Variants in CEP85L observed in about 807,000 individuals in gnomAD.
The protein encoded by CEP85L is centrosomal protein 85L.
In CEP85L, 60 loss-of-function variants were observed where a neutral mutation model predicts 100.3. The observed-to-expected ratio is 0.60, with a 90% CI of 0.49 to 0.74. The LOEUF is 0.74. Among genes scored for constraint, CEP85L ranks in the 30% least tolerant of loss-of-function variants. The pLI, the probability that CEP85L is intolerant of heterozygous loss-of-function variation, is 0.00. For synonymous variants in CEP85L, 319 were observed against 322.7 expected, an observed-to-expected ratio of 0.99 and a Z score of 0.12; for missense variants, 973 against 936.2, an observed-to-expected ratio of 1.04 and a Z score of -0.51.
At chr6:118,610,050 T>C (rs908234146) in intron 2 of CEP85L, among the ~76,000 whole-genome samples, 5 of 142,214 alleles carry the variant, frequency 3.5e-5, no homozygotes, top group African/African-American at 1.2e-4. Context: ...TCTTAAGCAA[T>C]GATAATGATG....
Position 118,606,735 on chromosome 6 carries a change from G to A in CEP85L, c.232+25718C>T, listed in dbSNP as rs148153666. Among the ~76,000 whole-genome samples, 447 of 152,260 alleles carry A rather than the reference G, an allele frequency of 2.9e-3. 1 individual carries two copies. Among genetic ancestry groups the A allele is most frequent in the Middle Eastern group, 0.01 (3 of 294 alleles). ...AGCTTGCTGGTTATTCTTGAAAAGCGGGCTTACAGGTGTTCTAAGCCCGTG... is the reference window on the plus strand; with the variant it reads ...AGCTTGCTGGTTATTCTTGAAAAGCAGGCTTACAGGTGTTCTAAGCCCGTG... On this transcript the variant is annotated intron_variant, in intron 2 of 12. Coordinates refer to ENST00000368491, the MANE Select transcript of CEP85L (RefSeq NM_001042475.3).
intron 2 of CEP85L, among the ~76,000 whole-genome samples, chr6:118,569,783 C>CA (rs1000939082): frequency 5.3e-4 from 77 of 144,428 alleles, no homozygotes; most frequent in African/African-American, 1.0e-3. Context: ...AACAAATCAA[C>CA]AAAAAAAAAA....
At chr6:118,524,352 A>C (rs982255906) in intron 3 of CEP85L, among the ~76,000 whole-genome samples, 1 of 152,044 alleles carries the variant, frequency 6.6e-6, no homozygotes, top group African/African-American at 2.4e-5. Flanking sequence ...GCTGAGGCAG[A>C]AGAATGGCGT....
rs376606000 is a variant in CEP85L, at chr6:118,585,301, G to C, written c.233-18985C>G. Among the ~76,000 whole-genome samples the C allele has an allele frequency of 1.4e-4, 21 of 152,254 alleles. No homozygotes were observed. The South Asian group carries it at 4.1e-3, about 30-fold the overall frequency. ...GAACGAAAGGCATTTTCTTACCACCGATGGATCTCCTATAAATACCTCCAG... is the reference window on the plus strand; with the variant it reads ...GAACGAAAGGCATTTTCTTACCACCCATGGATCTCCTATAAATACCTCCAG... On this transcript the variant is annotated intron_variant, in intron 2 of 12. Coordinates refer to ENST00000368491, the MANE Select transcript of CEP85L (RefSeq NM_001042475.3).
At chr6:118,670,601 C>A (rs1336378859) in intron 1 of CEP85L, among the ~76,000 whole-genome samples, 2 of 151,590 alleles carry the variant, frequency 1.3e-5, no homozygotes, top group African/African-American at 4.9e-5. Flanking sequence ...TCTTTTGCTT[C>A]TGTAATCTCC....
chr6:118,572,104 C>T (rs889689774), intron 2 of CEP85L, among the ~76,000 whole-genome samples: 3 of 152,108 alleles, frequency 2.0e-5, no homozygotes, highest in Non-Finnish European at 4.4e-5. Flanking sequence ...GATCTGCCCG[C>T]CTTGCCCTCC....
chr6:118,664,949 A>T (rs998451722), intron 1 of CEP85L, among the ~76,000 whole-genome samples: 3 of 152,220 alleles, frequency 2.0e-5, no homozygotes, highest in African/African-American at 7.2e-5. Flanking sequence ...TATATTCTCC[A>T]GGCATTCTCT....
At chr6:118,556,705 C>T (rs1778900110) in intron 3 of CEP85L, among the ~76,000 whole-genome samples, 1 of 152,062 alleles carries the variant, frequency 6.6e-6, no homozygotes, top group African/African-American at 2.4e-5. Flanking sequence ...TGTTGATTAA[C>T]AATAATATAT....
upstream of CEP85L, chr6:118,652,559 G>T: frequency 7.0e-7 from 1 of 1,433,108 alleles, no homozygotes; most frequent in Non-Finnish European, 9.1e-7. Context: ...GAGAGGCTTT[G>T]AGTTCCGCTT....
intron 1 of CEP85L, among the ~76,000 whole-genome samples, chr6:118,694,220 G>T (rs572024422): frequency 6.6e-6 from 1 of 152,246 alleles, no homozygotes; most frequent in Non-Finnish European, 1.5e-5. Flanking sequence ...ATCAGTTACT[G>T]CATCCAGCTT....
At chr6:118,619,401 T>G (rs1295815468) in intron 2 of CEP85L, among the ~76,000 whole-genome samples, 1 of 152,176 alleles carries the variant, frequency 6.6e-6, no homozygotes, top group African/African-American at 2.4e-5. Flanking sequence ...AAATCCCTTA[T>G]GTACAGGCTT....
chr6:118,563,793 T>C (rs367978376), intron 3 of CEP85L, among the ~76,000 whole-genome samples: 19 of 152,242 alleles, frequency 1.2e-4, no homozygotes, highest in African/African-American at 4.6e-4. Context: ...ACAACTATGA[T>C]GAAAGCTTTT....
At chr6:118,470,485 C>T in intron 11 of CEP85L, 52 bp downstream of exon 11, 1 of 995,576 alleles carries the variant, frequency 1.0e-6, no homozygotes, top group Non-Finnish European at 1.5e-6. Context: ...ATAAAATAAG[C>T]ATTTTATAGT....
At chr6:118,539,127 C>T (rs190136931) in intron 3 of CEP85L, among the ~76,000 whole-genome samples, 1 of 152,216 alleles carries the variant, frequency 6.6e-6, no homozygotes, top group Admixed American at 6.5e-5. Context: ...TTTTAAAAAT[C>T]AGACTAACAA....
chr6:118,559,163 T>C, intron 3 of CEP85L: 1 of 985,012 alleles, frequency 1.0e-6, no homozygotes, highest in South Asian at 1.3e-5. Context: ...AACAATATTG[T>C]ATAACAGACC....
chr6:118,629,025 C>CA (rs1278851259), intron 2 of CEP85L, among the ~76,000 whole-genome samples: 4 of 152,082 alleles, frequency 2.6e-5, no homozygotes, highest in African/African-American at 9.7e-5. Context: ...AACCGTGGAT[C>CA]AAAAATATTA....
intron 2 of CEP85L, among the ~76,000 whole-genome samples, chr6:118,622,044 T>G (rs1037583322): frequency 2.0e-5 from 3 of 152,000 alleles, no homozygotes; most frequent in African/African-American, 4.8e-5. Context: ...GCTCTTGGAG[T>G]TCTAAGTCAG....
intron 5 of CEP85L, among the ~76,000 whole-genome samples, chr6:118,495,689 A>AT (rs1774874337): frequency 6.6e-6 from 1 of 152,180 alleles, no homozygotes; most frequent in Non-Finnish European, 1.5e-5. Flanking sequence ...TGAAGAGGTG[A>AT]TCCTGCCTGC....
chr6:118,548,260 A>C lies in CEP85L; in HGVS notation c.1020+17269T>G, dbSNP rs77186188. The C allele has an allele frequency of 0.04, 6,129 of 152,116 alleles. 198 individuals are homozygous for C. The highest frequency in any genetic ancestry group is 0.06 in the Non-Finnish European group (4,079 of 67,924). 9.4% of individuals were successfully genotyped at this position (152,116 alleles called of 1,614,324 possible). On this transcript the variant is annotated intron_variant, in intron 3 of 12. Coordinates refer to ENST00000368491, the MANE Select transcript of CEP85L (RefSeq NM_001042475.3). ...ATGTGACATCATAAGACCTCCCTAGAACACTTTTTCTCCTCCACCTACTGC... is the reference window on the plus strand; with the variant it reads ...ATGTGACATCATAAGACCTCCCTAGCACACTTTTTCTCCTCCACCTACTGC...
Sources: allele counts gnomAD v4.1 joint callset (sites outside exome capture counted in the v4.1 genomes callset), GRCh38; gene constraint gnomAD v4.1.1; transcripts MANE v1.5; gene names NCBI Gene and HGNC (gene_info 2026-07-23, HGNC 2026-07-21).